The following KLHL24 variants were observed in gnomAD, a reference collection of about 807,000 sequenced individuals.
KLHL24 encodes the protein kelch like family member 24, also known as kelch-like protein 24.
KLHL24 carries 29 observed loss-of-function variants against 53.4 expected under a neutral mutation model. The observed-to-expected ratio is 0.54, with a 90% CI of 0.40 to 0.74. The LOEUF is 0.74. Among genes scored for constraint, KLHL24 ranks in the 30% least tolerant of loss-of-function variants. The pLI is 0.00. For synonymous variants in KLHL24, 222 were observed against 253.7 expected (o/e 0.88, Z 1.19); for missense variants, 504 against 744.0 (o/e 0.68, Z 3.75).
intron 7 of KLHL24, among the ~76,000 whole-genome samples, chr3:183,676,747 T>A (rs1711954920): frequency 6.6e-6 from 1 of 152,136 alleles, no homozygotes; most frequent in Admixed American, 6.5e-5. Context: ...ATTGTGGGAT[T>A]TTTTAAAAAG....
In KLHL24 at chr3:183,680,074, C is replaced by T. The variant is rs1417747147; in HGVS notation, c.*788C>T. The T allele has an allele frequency of 6.6e-6, 1 of 152,142 alleles. No individual in the cohort carries two copies. The highest frequency in any genetic ancestry group is 2.4e-5 in the African/African-American group (1 of 41,434). 9.4% of individuals were successfully genotyped at this position (152,142 alleles called of 1,614,324 possible). ...TCATCTCTTCAATCCTCTAAGAAAG[C>T]CTCTTTTCTTAACTTGATAAAGCAG... On this transcript the variant is annotated 3_prime_UTR_variant, in exon 8 of 8. Transcript: ENST00000242810.
At chr3:183,647,567 C>T (rs142999119) in intron 2 of KLHL24, among the ~76,000 whole-genome samples, 2,603 of 151,618 alleles carry the variant, frequency 0.017, 82 homozygotes, top group African/African-American at 0.06. Context: ...AAAAATTATC[C>T]AGGCGTGCTG....
At position 183,650,487 on chromosome 3, in the gene KLHL24, C is replaced by T; in HGVS notation, c.131C>T (p.Ser44Leu). The T allele has an allele frequency of 6.2e-7, 1 of 1,614,112 alleles. No individual in the cohort carries two copies. Among genetic ancestry groups the T allele is most frequent in the East Asian group, 2.2e-5 (1 of 44,882 alleles). The change falls in exon 3 of 8, where the codon TCA becomes TTA. Residue 44 changes from serine to leucine, a missense_variant. By Grantham distance (145) the Ser-to-Leu change is moderately radical. Transcript: ENST00000242810. The surrounding 1 kb of genome is among the most constrained non-coding windows in gnomAD (Gnocchi z 4.5). ...LTGHEFFDFS[S>L]GSSHAENILQ... ...GGTCATGAGTTTTTTGACTTCTCTT[C>T]AGGATCATCCCATGCCGAAAACATA...
chr3:183,674,265 TTCTTTCTTTC>T (rs1469502285), intron 7 of KLHL24, among the ~76,000 whole-genome samples: 2 of 149,760 alleles, frequency 1.3e-5, no homozygotes, highest in African/African-American at 4.9e-5. Context: ...CTTTCTTTCT[TTCTTTCTTTC>T]TTTCTTTCTT....
rs1322476320 is a variant in KLHL24, at chr3:183,682,590, G to T, written c.*3304G>T. On this transcript the variant is annotated 3_prime_UTR_variant, in exon 8 of 8. Transcript: ENST00000242810. ...GAGTAAGTTTAATTTGGAAAAAGGG[G>T]CTTCACACATGGTGGTGGTTGAACA... is the stretch of plus-strand genomic sequence containing the variant. 1.3e-5 allele frequency: 2 copies of T among 152,572 alleles called. No individual in the cohort carries two copies. Among genetic ancestry groups the T allele is most frequent in the Non-Finnish European group, 2.9e-5 (2 of 68,008 alleles). 9.5% of individuals were successfully genotyped at this position (152,572 alleles called of 1,614,324 possible).
intron 3 of KLHL24, among the ~76,000 whole-genome samples, chr3:183,653,023 C>T (rs1399856877): frequency 6.6e-6 from 1 of 152,206 alleles, no homozygotes; most frequent in Non-Finnish European, 1.5e-5. Context: ...AGGGTCCCAT[C>T]ACTCCTTTGA....
chr3:183,667,651 A>G (rs1244639591), intron 5 of KLHL24, among the ~76,000 whole-genome samples: 1 of 151,972 alleles, frequency 6.6e-6, no homozygotes, highest in Non-Finnish European at 1.5e-5. Flanking sequence ...CTTCCATTAA[A>G]CCGCTCCCTG....
rs1560144887 is a variant in KLHL24 at position 183,639,590 on chromosome 3, GCT to G, written c.-125+3798_-125+3799del. ...GCTTGCAGTGAGCCAAGATCGCGCC[GCT>G]GCACTCCAGCCTGGGTGACAGAGCA... On this transcript the variant is annotated intron_variant, in intron 1 of 7. Transcript: ENST00000242810. 1.2e-4 allele frequency among the ~76,000 whole-genome samples: 17 copies of G among 138,890 alleles called. No homozygotes were observed. The East Asian group carries it at 3.7e-3, about 30-fold the overall frequency. 91.1% of individuals were successfully genotyped at this position (138,890 alleles called of 152,430 possible). A position where few individuals can be genotyped will look rare whatever the true frequency, so the allele number is the denominator to read the frequency against.
intron 3 of KLHL24, among the ~76,000 whole-genome samples, chr3:183,658,807 C>T (rs925338556): frequency 1.5e-5 from 2 of 132,912 alleles, no homozygotes; most frequent in African/African-American, 6.3e-5. Flanking sequence ...TTCCTTCCTC[C>T]CATTTTTTTT....
chr3:183,640,948 A>G (rs1716327305), intron 1 of KLHL24, among the ~76,000 whole-genome samples: 1 of 152,112 alleles, frequency 6.6e-6, no homozygotes, highest in Non-Finnish European at 1.5e-5. Context: ...TGGTTCCATT[A>G]AGAAACTGGA....
At chr3:183,653,909 A>G (rs1291318960) in intron 3 of KLHL24, among the ~76,000 whole-genome samples, 1 of 152,048 alleles carries the variant, frequency 6.6e-6, no homozygotes, top group East Asian at 1.9e-4. Flanking sequence ...TTGCCACAAC[A>G]TGTTGGCATT....
intron 2 of KLHL24, among the ~76,000 whole-genome samples, chr3:183,647,578 G>A (rs1717474131): frequency 6.6e-6 from 1 of 152,078 alleles, no homozygotes; most frequent in African/African-American, 2.4e-5. Context: ...AGGCGTGCTG[G>A]CGCGTGCCTG....
intron 3 of KLHL24, among the ~76,000 whole-genome samples, chr3:183,659,600 A>G (rs180803045): frequency 1.3e-5 from 2 of 152,362 alleles, no homozygotes; most frequent in Admixed American, 1.3e-4. Context: ...AAGACCTCAA[A>G]GAAGACTGGA....
intron 7 of KLHL24, among the ~76,000 whole-genome samples, chr3:183,674,579 C>T (rs1711532564): frequency 6.6e-6 from 1 of 152,238 alleles, no homozygotes; most frequent in East Asian, 1.9e-4. Flanking sequence ...CCAGGCTGGT[C>T]TCAAACTCCT....
chr3:183,669,839 A>C (rs939274946), intron 5 of KLHL24, among the ~76,000 whole-genome samples: 1 of 152,178 alleles, frequency 6.6e-6, no homozygotes, highest in Non-Finnish European at 1.5e-5. Flanking sequence ...GGGTGATGGC[A>C]GCGGGAAACG....
intron 7 of KLHL24, among the ~76,000 whole-genome samples, chr3:183,673,275 ACTC>A (rs1310943608): frequency 6.6e-6 from 1 of 152,096 alleles, no homozygotes; most frequent in Non-Finnish European, 1.5e-5. Flanking sequence ...ATTTTTCAAA[ACTC>A]CACATAAAGC....
chr3:183,683,384 A>C lies in KLHL24; in HGVS notation c.*4098A>C, dbSNP rs1283941223. 6.6e-6 allele frequency: 1 copy of C among 152,616 alleles called. No homozygotes were observed. Among genetic ancestry groups the C allele is most frequent in the African/African-American group, 2.4e-5 (1 of 41,450 alleles). The allele number at this position is 152,616 out of a possible 1,614,324, so 9.5% of individuals were successfully genotyped here. A position where few individuals can be genotyped will look rare whatever the true frequency, so the allele number is the denominator to read the frequency against. ...TTGGCCTTATTAGAATTTGTTGTGCATCTTATTGAAAGCCAGGTTTACATC... is the reference window on the plus strand; with the variant it reads ...TTGGCCTTATTAGAATTTGTTGTGCCTCTTATTGAAAGCCAGGTTTACATC... On this transcript the variant is annotated 3_prime_UTR_variant, in exon 8 of 8. Transcript: ENST00000242810.
At chr3:183,661,258 G>C (rs1719750035) in intron 3 of KLHL24, among the ~76,000 whole-genome samples, 1 of 151,748 alleles carries the variant, frequency 6.6e-6, no homozygotes. Flanking sequence ...AACAAAAAAA[G>C]AATTAATGAA....
chr3:183,677,343 T>C (rs1712059041), intron 7 of KLHL24, among the ~76,000 whole-genome samples: 1 of 152,190 alleles, frequency 6.6e-6, no homozygotes, highest in Non-Finnish European at 1.5e-5. Flanking sequence ...AAGCGCTTAT[T>C]GTGCTTTAAA....
Sources: allele counts gnomAD v4.1 joint callset (sites outside exome capture counted in the v4.1 genomes callset), GRCh38; gene constraint gnomAD v4.1.1; non-coding constraint Gnocchi (gnomAD v3.1); transcripts MANE v1.5; gene names NCBI Gene and HGNC (gene_info 2026-07-23, HGNC 2026-07-21).